Variants in DLGAP2 observed in about 807,000 individuals in gnomAD.
The protein encoded by DLGAP2 is DLG associated protein 2.
A neutral mutation model predicts 100.3 loss-of-function variants in DLGAP2; 26 were observed. That is an observed-to-expected ratio of 0.26 (90% CI 0.19 to 0.36). DLGAP2 has a LOEUF of 0.36. Among genes scored for constraint, DLGAP2 ranks in the 10% least tolerant of loss-of-function variants. The pLI, the probability that DLGAP2 is intolerant of heterozygous loss-of-function variation, is 1.00. For missense variants in DLGAP2, 1,858 were observed against 1,453.2 expected, an observed-to-expected ratio of 1.28 and a Z score of -4.53; for synonymous variants, 886 against 630.1, an observed-to-expected ratio of 1.41 and a Z score of -6.08.
chr8:1,624,873 C>CTCTCTCTT (rs1183570921), intron 6 of DLGAP2, among the ~76,000 whole-genome samples: 7 of 150,654 alleles, frequency 4.6e-5, no homozygotes. Context: ...CTCTCTGTCT[C>CTCTCTCTT]TCTCTCTCTC....
rs1437159391 is a variant in DLGAP2, at chr8:1,565,781, G to A, written c.1329G>A (p.Gly443=). The change falls in exon 6 of 15, where the codon GGG becomes GGA. Residue 443 remains glycine (G), a synonymous_variant. Coordinates refer to ENST00000637795, the MANE Select transcript of DLGAP2 (RefSeq NM_001346810.2). ...MRSGSYIKAM[G]DEESGESDSS... is the part of the protein sequence containing the mutation. ...GTGGGAGTTACATTAAAGCCATGGG[G>A]GACGAGGAGAGCGGAGAGTCAGACT... 3 of 1,613,786 alleles carry A rather than the reference G, an allele frequency of 1.9e-6. No individual in the cohort carries two copies. The highest frequency in any genetic ancestry group is 2.7e-5 in the African/African-American group (2 of 74,906).
chr8:1,032,100 A>G (rs1801991193), intron 2 of DLGAP2, among the ~76,000 whole-genome samples: 1 of 152,230 alleles, frequency 6.6e-6, no homozygotes, highest in Admixed American at 6.5e-5. Flanking sequence ...CTGAAAACAC[A>G]TCTGCCCCTG....
At chr8:1,583,883 T>A (rs918069020) in intron 6 of DLGAP2, among the ~76,000 whole-genome samples, 2 of 151,974 alleles carry the variant, frequency 1.3e-5, no homozygotes, top group Admixed American at 1.3e-4. Flanking sequence ...CCCTGACAAT[T>A]TTCTTCCTCC....
chr8:1,327,660 C>G (rs1269819639), intron 3 of DLGAP2, among the ~76,000 whole-genome samples: 1 of 151,994 alleles, frequency 6.6e-6, no homozygotes, highest in African/African-American at 2.4e-5. Context: ...CTGACTAACA[C>G]CATGAAACCC....
intron 2 of DLGAP2, among the ~76,000 whole-genome samples, chr8:1,173,520 C>T (rs1797178182): frequency 6.6e-6 from 1 of 152,186 alleles, no homozygotes; most frequent in South Asian, 2.1e-4. Flanking sequence ...CCTCCTTGAG[C>T]TGTGGTGGGC....
At chr8:994,617 G>A (rs146353904) in intron 2 of DLGAP2, among the ~76,000 whole-genome samples, 1 of 152,270 alleles carries the variant, frequency 6.6e-6, no homozygotes, top group East Asian at 1.9e-4. Context: ...ACGGTAGGTG[G>A]GAGGGCTTGG....
At chr8:1,314,587 G>A (rs1458605627) in intron 3 of DLGAP2, among the ~76,000 whole-genome samples, 6 of 152,114 alleles carry the variant, frequency 3.9e-5, no homozygotes, top group Non-Finnish European at 8.8e-5. Flanking sequence ...CTGTGTCACC[G>A]CCTCTCAGGT....
intron 2 of DLGAP2, among the ~76,000 whole-genome samples, chr8:1,209,418 A>T (rs1798059892): frequency 6.6e-6 from 1 of 152,208 alleles, no homozygotes; most frequent in Non-Finnish European, 1.5e-5. Context: ...TTCCAAAAAG[A>T]CAATCAGATT....
chr8:1,662,599 T>A (rs999993021), intron 8 of DLGAP2, among the ~76,000 whole-genome samples: 1 of 152,258 alleles, frequency 6.6e-6, no homozygotes, highest in Non-Finnish European at 1.5e-5. Context: ...ATCTCAGTTC[T>A]ACCATTTTTC....
chr8:1,700,072 T>C (rs1799524256), intron 14 of DLGAP2, among the ~76,000 whole-genome samples: 1 of 152,222 alleles, frequency 6.6e-6, no homozygotes, highest in African/African-American at 2.4e-5. Flanking sequence ...TCATTGCTTC[T>C]GGCCTAGTCA....
At chr8:1,230,028 A>G (rs768940010) in intron 2 of DLGAP2, among the ~76,000 whole-genome samples, 2 of 152,198 alleles carry the variant, frequency 1.3e-5, no homozygotes, top group Non-Finnish European at 2.9e-5. Flanking sequence ...CAGGCAAGAA[A>G]ACGTAGTAAA....
chr8:743,267 G>C (rs185983121), intron 1 of DLGAP2, among the ~76,000 whole-genome samples: 1 of 152,230 alleles, frequency 6.6e-6, no homozygotes, highest in East Asian at 1.9e-4. Flanking sequence ...AGCTTCCAGG[G>C]AGTCAAGTCA....
chr8:1,514,489 A>G (rs1800291302), intron 4 of DLGAP2, among the ~76,000 whole-genome samples: 1 of 152,252 alleles, frequency 6.6e-6, no homozygotes, highest in Non-Finnish European at 1.5e-5. Flanking sequence ...GTGTTGGAGA[A>G]TATAAAAGGA....
chr8:958,460 T>C (rs935609140), intron 2 of DLGAP2, among the ~76,000 whole-genome samples: 1 of 152,048 alleles, frequency 6.6e-6, no homozygotes, highest in African/African-American at 2.4e-5. Context: ...GATTCTGGTT[T>C]TCATTGTTTC....
At chr8:1,532,231 C>G (rs1221185412) in intron 4 of DLGAP2, among the ~76,000 whole-genome samples, 1 of 152,156 alleles carries the variant, frequency 6.6e-6, no homozygotes, top group Non-Finnish European at 1.5e-5. Flanking sequence ...GTTTTCCTCT[C>G]ACATAACATG....
chr8:1,317,576 G>A (rs1235363164), intron 3 of DLGAP2, among the ~76,000 whole-genome samples: 61 of 130,152 alleles, frequency 4.7e-4, no homozygotes, highest in African/African-American at 8.1e-4. Context: ...CGAGACACTC[G>A]GCAGCGTTTA....
intron 3 of DLGAP2, among the ~76,000 whole-genome samples, chr8:1,358,504 TCAC>T (rs1801905784): frequency 6.6e-6 from 1 of 152,122 alleles, no homozygotes; most frequent in African/African-American, 2.4e-5. Flanking sequence ...TTCACCCACT[TCAC>T]CATAGTCACC....
intron 8 of DLGAP2, among the ~76,000 whole-genome samples, chr8:1,634,586 C>T (rs2130783754): frequency 6.6e-6 from 1 of 152,302 alleles, no homozygotes; most frequent in Middle Eastern, 3.4e-3. Context: ...AAATTAGAAT[C>T]AGGGAAGTAA....
rs189656972 is a variant in DLGAP2, at chr8:1,160,634, G to A, written c.74-98217G>A. ...GCCTTGGAGGAGATGGCTGCTCTCC[G>A]CTGGGCCCCATTCGTTTTTACTTAA... On this transcript the variant is annotated intron_variant, in intron 2 of 14. Coordinates refer to ENST00000637795, the MANE Select transcript of DLGAP2 (RefSeq NM_001346810.2). Among the ~76,000 whole-genome samples the A allele has an allele frequency of 6.2e-3, 942 of 152,266 alleles. 15 individuals are homozygous for A. The highest frequency in any genetic ancestry group is 0.021 in the African/African-American group (878 of 41,548).
Sources: gnomAD v4.1 joint callset for allele counts (sites outside exome capture counted in the v4.1 genomes callset) on GRCh38, gnomAD v4.1.1 for gene constraint, MANE v1.5 for transcripts, NCBI Gene and HGNC (gene_info 2026-07-23, HGNC 2026-07-21) for gene names.